DYNC1H1: variants seen among roughly 807,000 people sequenced by gnomAD.
The protein encoded by DYNC1H1 is dynein cytoplasmic 1 heavy chain 1.
DYNC1H1 carries 51 observed loss-of-function variants against 527.1 expected under a neutral mutation model. The ratio of observed to expected loss-of-function variants is 0.10; its 90% confidence interval spans 0.08 to 0.12. The LOEUF is 0.12. DYNC1H1 is among the 10% of genes least tolerant of loss of function. The pLI is 1.00. For synonymous variants in DYNC1H1, 2,189 were observed against 2,278.8 expected, an observed-to-expected ratio of 0.96 and a Z score of 1.12; for missense variants, 2,771 against 5,971.8, an observed-to-expected ratio of 0.46 and a Z score of 17.66.
chr14:102,044,120 G>A lies in DYNC1H1; in HGVS notation c.12684+75G>A. ...ATGCTGCAGGGCGTGGTGCTGAGAG[G>A]CCAGACTCTGCGTGGAAGAGCGAGC... is the stretch of plus-strand genomic sequence containing the variant. On this transcript the variant is annotated intron_variant, in intron 70 of 77. Transcript: ENST00000360184. The surrounding 1 kb of genome is among the most constrained non-coding windows in gnomAD (Gnocchi z 7.1). 4 of 1,595,956 alleles carry A rather than the reference G, an allele frequency of 2.5e-6. No individual in the cohort carries two copies. Among genetic ancestry groups the A allele is most frequent in the African/African-American group, 1.3e-5 (1 of 74,728 alleles).
At chr14:102,026,949 TCTG>T in intron 44 of DYNC1H1, 1 of 768,530 alleles carries the variant, frequency 1.3e-6, no homozygotes, top group Non-Finnish European at 2.2e-6. Flanking sequence ...CCTTTGACCT[TCTG>T]CTGGAATTGC....
chr14:102,013,951 G>A (rs1422143330), intron 34 of DYNC1H1, among the ~76,000 whole-genome samples: 2 of 152,184 alleles, frequency 1.3e-5, no homozygotes, highest in Non-Finnish European at 2.9e-5. Context: ...CGAGGTTTCT[G>A]GCCTGATCAG....
At position 102,028,027 on chromosome 14, in the gene DYNC1H1, A is replaced by G; in HGVS notation, c.9354A>G (p.Pro3118=). The G allele has an allele frequency of 6.2e-7, 1 of 1,614,198 alleles. No individual in the cohort carries two copies. The highest frequency in any genetic ancestry group is 8.5e-7 in the Non-Finnish European group (1 of 1,180,036). ...EFTSKMDLEK[P]NYIVPDYMPV... is the part of the protein sequence containing the mutation. Reference sequence around the variant, plus strand: ...CAAGTAAGATGGATCTGGAGAAGCCAAATTACATCGTGCCTGATTACATGC... The same window carrying G: ...CAAGTAAGATGGATCTGGAGAAGCCGAATTACATCGTGCCTGATTACATGC... The change falls in exon 48 of 78, where the codon CCA becomes CCG. Residue 3118 remains proline, a synonymous_variant. Coordinates refer to ENST00000360184, the MANE Select transcript of DYNC1H1 (RefSeq NM_001376.5).
chr14:102,010,315 C>T lies in DYNC1H1; in HGVS notation c.6261C>T (p.Asp2087=), dbSNP rs2048243777. Residue 2087 remains aspartate (D), a synonymous_variant, in exon 31 of 78, where the codon GAC becomes GAT. Coordinates refer to ENST00000360184, the MANE Select transcript of DYNC1H1 (RefSeq NM_001376.5). This position sits in a 1 kb window ranked among gnomAD's most constrained non-coding sequence, Gnocchi z 6.0. The stretch of plus-strand genomic sequence containing the variant: ...AGCTCTCTTCCCAAAGCCATTATGA[C>T]TTCGGTCTTCGGGCTTTGAAGAGTG... ...DEQLSSQSHY[D]FGLRALKSVL... is the part of the protein sequence containing the mutation. The T allele has an allele frequency of 1.2e-6, 2 of 1,613,862 alleles. No homozygotes were observed. The highest frequency in any genetic ancestry group is 2.7e-5 in the African/African-American group (2 of 74,882).
chr14:101,974,478 A>AT (rs1407353154), intron 1 of DYNC1H1, among the ~76,000 whole-genome samples: 1 of 152,184 alleles, frequency 6.6e-6, no homozygotes, highest in Non-Finnish European at 1.5e-5. Flanking sequence ...ATAGATTGTA[A>AT]TTTTTGCCAA....
rs2048603178 is a variant in DYNC1H1, at chr14:102,038,427, C to T, written c.10909-33C>T. ...TGGGTGAAGATAAAGTTACAAAGCCCTGACCATCAAGTTCCACCCGTGTGG... is the reference window on the plus strand; with the variant it reads ...TGGGTGAAGATAAAGTTACAAAGCCTTGACCATCAAGTTCCACCCGTGTGG... On this transcript the variant is annotated intron_variant, in intron 57 of 77. Transcript: ENST00000360184. The surrounding 1 kb of genome is among the most constrained non-coding windows in gnomAD (Gnocchi z 7.2). 1 of 1,612,840 alleles carries T rather than the reference C, an allele frequency of 6.2e-7. No individual in the cohort carries two copies. Among genetic ancestry groups the T allele is most frequent in the East Asian group, 2.2e-5 (1 of 44,880 alleles).
chr14:101,982,080 C>T (rs752603327), intron 5 of DYNC1H1, among the ~76,000 whole-genome samples: 5 of 152,200 alleles, frequency 3.3e-5, no homozygotes, highest in Admixed American at 6.5e-5. Flanking sequence ...AGCTCTGCCC[C>T]CGTCACATGA....
rs1064796932 is a variant in DYNC1H1, at chr14:102,034,380, G to A, written c.10682G>A (p.Arg3561His). The A allele has an allele frequency of 6.8e-6, 11 of 1,613,956 alleles. No homozygotes were observed. The highest frequency in any genetic ancestry group is 1.1e-5 in the South Asian group (1 of 91,076). ...EYLSNADERL[R>H]WQASSLPADD... ...CTTTCCAATGCTGATGAGCGTCTTC[G>A]CTGGCAGGCCAGCTCCTTGCCTGCT... The change falls in exon 56 of 78, where the codon CGC (arginine) becomes CAC (histidine). Residue 3561 changes from arginine to histidine, a missense_variant. This residue lies in a region of DYNC1H1 where 283 missense variants were observed against 737.6 expected (regional missense o/e 0.38). Transcript: ENST00000360184.
rs377620179 is a variant in DYNC1H1 at position 102,042,458 on chromosome 14, A to G, written c.12350A>G (p.Gln4117Arg). The G allele has an allele frequency of 6.2e-7, 1 of 1,614,148 alleles. No individual in the cohort carries two copies. The highest frequency in any genetic ancestry group is 1.3e-5 in the African/African-American group (1 of 75,050). Reference protein sequence around the residue: ...MQLEKKLHSLQPHACFRLFLT... With the variant: ...MQLEKKLHSLRPHACFRLFLT... ...CTGGAGAAGAAGTTGCATTCCCTGC[A>G]GCCGCATGCCTGCTTCCGACTCTTC... The change falls in exon 68 of 78, where the codon CAG (glutamine) becomes CGG (arginine). Residue 4117 changes from glutamine to arginine, a missense_variant. Physicochemically the swap from Gln to Arg is conservative, Grantham distance 43 (BLOSUM62 1). This residue lies in a region of DYNC1H1 where 195 missense variants were observed against 428.6 expected (regional missense o/e 0.45). Transcript: ENST00000360184. This position sits in a 1 kb window ranked among gnomAD's most constrained non-coding sequence, Gnocchi z 5.7.
At chr14:102,040,110 G>A (rs1442383527) in intron 62 of DYNC1H1, 126 bp from the exon 63 acceptor site, 28 of 1,321,608 alleles carry the variant, frequency 2.1e-5, no homozygotes, top group Non-Finnish European at 3.0e-5. Flanking sequence ...CTCCCAGAGT[G>A]CTGAGATTAT....
Position 102,002,427 on chromosome 14 carries a change from G to A in DYNC1H1, c.4543-110G>A, listed in dbSNP as rs2048142699. On this transcript the variant is annotated intron_variant, in intron 21 of 77. Transcript: ENST00000360184. This position sits in a 1 kb window ranked among gnomAD's most constrained non-coding sequence, Gnocchi z 4.4. ...CACCCGTCTACTTGTTGTTTAAAAT[G>A]TGAATCAGATTACTTCATGAGATCC... is the stretch of plus-strand genomic sequence containing the variant. 3 of 1,449,896 alleles carry A rather than the reference G, an allele frequency of 2.1e-6. No individual in the cohort carries two copies. The highest frequency in any genetic ancestry group is 2.9e-6 in the Non-Finnish European group (3 of 1,036,714). The allele number at this position is 1,449,896 out of a possible 1,614,324, so 89.8% of individuals were successfully genotyped here.
intron 5 of DYNC1H1, among the ~76,000 whole-genome samples, chr14:101,982,730 A>T (rs559150033): frequency 6.7e-6 from 1 of 150,120 alleles, no homozygotes; most frequent in Admixed American, 6.6e-5. Context: ...GTTGCCAAAA[A>T]TGTTGAGGGC....
At chr14:102,000,166 G>T in intron 17 of DYNC1H1, 22 bp downstream of exon 17, 1 of 1,614,178 alleles carries the variant, frequency 6.2e-7, no homozygotes, top group Admixed American at 1.7e-5. Context: ...TGGGGAGTGG[G>T]TGGAGAATCC....
intron 1 of DYNC1H1, among the ~76,000 whole-genome samples, chr14:101,967,432 A>G (rs75093865): frequency 2.6e-5 from 4 of 152,356 alleles, no homozygotes; most frequent in African/African-American, 7.2e-5. Context: ...TTTTTGTGGA[A>G]GTATCCAAAC....
Position 101,984,448 on chromosome 14 carries a change from A to ATTTTTTTT in DYNC1H1, c.1461+840_1461+841insTTTTTTTT, listed in dbSNP as rs1224932045. ...GTGTGTGTGTATATATATATATATT[A>ATTTTTTTT]TATTTTTTTTTTTTTTTTTTTTTTG... On this transcript the variant is annotated intron_variant, in intron 7 of 77. Transcript: ENST00000360184. 6.7e-5 allele frequency among the ~76,000 whole-genome samples: 6 copies of ATTTTTTTT among 89,132 alleles called. 1 individual carries two copies. The highest frequency in any genetic ancestry group is 1.7e-4 in the African/African-American group (3 of 17,860). 58.5% of individuals were successfully genotyped at this position (89,132 alleles called of 152,430 possible).
chr14:102,034,223 A>C (rs754655484), intron 55 of DYNC1H1, 35 bp downstream of exon 55: 15 of 1,614,100 alleles, frequency 9.3e-6, no homozygotes, highest in Non-Finnish European at 1.1e-5. Flanking sequence ...AGGATGTGCG[A>C]GCAGTGTGAG....
chr14:102,018,759 G>C lies in DYNC1H1; in HGVS notation c.8343+143G>C, dbSNP rs1180336059. ...GTGGATCCTTTGAGCCCAGGAGTTT[G>C]AGACCAGTCTGGACAACATGGCAAA... On this transcript the variant is annotated intron_variant, in intron 41 of 77. Coordinates refer to ENST00000360184, the MANE Select transcript of DYNC1H1 (RefSeq NM_001376.5). The surrounding 1 kb of genome is among the most constrained non-coding windows in gnomAD (Gnocchi z 5.2). The C allele has an allele frequency of 1.3e-5, 15 of 1,135,698 alleles. No homozygotes were observed. Among genetic ancestry groups the C allele is most frequent in the Non-Finnish European group, 1.8e-5 (14 of 786,024 alleles). 70.4% of individuals were successfully genotyped at this position (1,135,698 alleles called of 1,614,324 possible). A position where few individuals can be genotyped will look rare whatever the true frequency, so the allele number is the denominator to read the frequency against.
Position 101,975,816 on chromosome 14 carries a change from T to C in DYNC1H1, c.344+17T>C, listed in dbSNP as rs368434288. 3 of 1,552,736 alleles carry C rather than the reference T, an allele frequency of 1.9e-6. No individual in the cohort carries two copies. The highest frequency in any genetic ancestry group is 2.7e-5 in the African/African-American group (2 of 73,848). On this transcript the variant is annotated intron_variant, in intron 2 of 77. Coordinates refer to ENST00000360184, the MANE Select transcript of DYNC1H1 (RefSeq NM_001376.5). ...ATCCAATAGGTGAGTAGTACAAATA[T>C]TACCATTATCTCAGGTTATAAATTT...
chr14:101,983,965 G>A lies in DYNC1H1; in HGVS notation c.1461+356G>A, dbSNP rs376464136. ...GTGCCGGGATTATAGACGTGAGACA[G>A]CATGCCCAGCCTGTTTTTGTTTGAG... On this transcript the variant is annotated intron_variant, in intron 7 of 77. Coordinates refer to ENST00000360184, the MANE Select transcript of DYNC1H1 (RefSeq NM_001376.5). The surrounding 1 kb of genome is among the most constrained non-coding windows in gnomAD (Gnocchi z 5.3). Among the ~76,000 whole-genome samples, 4 of 151,282 alleles carry A rather than the reference G, an allele frequency of 2.6e-5. No individual in the cohort carries two copies. Among genetic ancestry groups the A allele is most frequent in the East Asian group, 3.9e-4 (2 of 5,142 alleles).
Sources: gnomAD v4.1 joint callset for allele counts (sites outside exome capture counted in the v4.1 genomes callset) on GRCh38, gnomAD v4.1.1 for gene constraint, gnomAD v4.1.1 regional missense constraint, Gnocchi (gnomAD v3.1) non-coding constraint, MANE v1.5 for transcripts, NCBI Gene and HGNC (gene_info 2026-07-23, HGNC 2026-07-21) for gene names.